Variants in CAMK2B observed in about 807,000 individuals in gnomAD.
CAMK2B encodes the protein calcium/calmodulin dependent protein kinase II beta.
CAMK2B carries 27 observed loss-of-function variants against 93.7 expected under a neutral mutation model. The ratio of observed to expected loss-of-function variants is 0.29; its 90% CI spans 0.21 to 0.40. The LOEUF (loss-of-function observed/expected upper bound fraction) is 0.40, where lower values mean the gene tolerates loss of function less well. Among genes scored for constraint, CAMK2B ranks in the 10% least tolerant of loss-of-function variants. The probability of loss-of-function intolerance (pLI) is 1.00; values close to 1 mark genes in which losing one functional copy is unlikely to be tolerated. For missense variants in CAMK2B, 568 were observed against 895.8 expected, an observed-to-expected ratio of 0.63 and a Z score of 4.67; for synonymous variants, 374 against 358.8, an observed-to-expected ratio of 1.04 and a Z score of -0.48.
rs934398948 is a variant in CAMK2B at position 44,217,252 on chromosome 7, C to T, written c.*2273G>A. On this transcript the variant is annotated 3_prime_UTR_variant, in exon 24 of 24. Coordinates refer to ENST00000395749, the MANE Select transcript of CAMK2B (RefSeq NM_001220.5). ...GGCTCAGAAAGAAAAGACAATGAAACTCAGCAAAAAGAGAGAGGAGGGGAG... is the reference window on the plus strand; with the variant it reads ...GGCTCAGAAAGAAAAGACAATGAAATTCAGCAAAAAGAGAGAGGAGGGGAG... 6.6e-6 allele frequency: 1 copy of T among 152,582 alleles called. No individual in the cohort carries two copies. The highest frequency in any genetic ancestry group is 1.5e-5 in the Non-Finnish European group (1 of 68,036). The allele number at this position is 152,582 out of a possible 1,614,324, so 9.5% of individuals were successfully genotyped here.
chr7:44,277,552 C>T (rs751622932), intron 2 of CAMK2B, among the ~76,000 whole-genome samples: 1 of 152,110 alleles, frequency 6.6e-6, no homozygotes, highest in Admixed American at 6.5e-5. Flanking sequence ...TGCTCGGGCC[C>T]GGACATGAGT....
At chr7:44,226,414 C>A in intron 20 of CAMK2B, 102 bp downstream of exon 20, 1 of 987,252 alleles carries the variant, frequency 1.0e-6, no homozygotes, top group South Asian at 2.7e-5. Flanking sequence ...GTGCCCCGCC[C>A]TCCTCCGCAA....
chr7:44,309,114 G>A (rs1199512771), intron 1 of CAMK2B, among the ~76,000 whole-genome samples: 1 of 152,186 alleles, frequency 6.6e-6, no homozygotes, highest in African/African-American at 2.4e-5. Context: ...AAACCACTGC[G>A]ACTGTGCTGT....
chr7:44,266,895 GAACC>G (rs2096925782), intron 2 of CAMK2B: 2 of 152,248 alleles, frequency 1.3e-5, no homozygotes, highest in East Asian at 3.9e-4. Context: ...GAAACCCCAA[GAACC>G]CACCCCATCC....
At chr7:44,302,521 T>C (rs527588495) in intron 1 of CAMK2B, among the ~76,000 whole-genome samples, 3 of 152,254 alleles carry the variant, frequency 2.0e-5, no homozygotes, top group African/African-American at 7.2e-5. Context: ...TATTACCAAA[T>C]TGAATCCAAC....
intron 1 of CAMK2B, among the ~76,000 whole-genome samples, chr7:44,301,387 C>T (rs1584780373): frequency 6.6e-6 from 1 of 152,218 alleles, no homozygotes; most frequent in Non-Finnish European, 1.5e-5. Flanking sequence ...TTCTCCCACC[C>T]TGTCCTCCCA....
chr7:44,236,369 C>T, intron 13 of CAMK2B, among the ~76,000 whole-genome samples: 1 of 152,218 alleles, frequency 6.6e-6, no homozygotes, highest in Non-Finnish European at 1.5e-5. Flanking sequence ...CCTCACAGAT[C>T]TCTTAACTCT....
chr7:44,280,530 G>A (rs1042952983), intron 2 of CAMK2B, among the ~76,000 whole-genome samples: 5 of 152,222 alleles, frequency 3.3e-5, no homozygotes, highest in Non-Finnish European at 7.3e-5. Flanking sequence ...AAAAGCAGGA[G>A]GGAGACAGCC....
intron 2 of CAMK2B, among the ~76,000 whole-genome samples, chr7:44,263,635 C>T (rs988516009): frequency 5.9e-5 from 9 of 152,106 alleles, no homozygotes; most frequent in African/African-American, 2.2e-4. Flanking sequence ...GATCCCCGGA[C>T]ACCGGAGGCG....
Position 44,241,638 on chromosome 7 carries a change from C to G in CAMK2B, c.903+62G>C, listed in dbSNP as rs2096679938. On this transcript the variant is annotated intron_variant, in intron 11 of 23. Coordinates refer to ENST00000395749, the MANE Select transcript of CAMK2B (RefSeq NM_001220.5). ...GCCCAGACCCCCCAAGGCCCCCCTG[C>G]TCCAGCCCAGAGGGACACAGAGAAG... 65 of 1,367,382 alleles carry G rather than the reference C, an allele frequency of 4.8e-5. No homozygotes were observed. The South Asian group carries it at 7.6e-4, about 16-fold the overall frequency. The allele number at this position is 1,367,382 out of a possible 1,614,324, so 84.7% of individuals were successfully genotyped here. A position where few individuals can be genotyped will look rare whatever the true frequency, so the allele number is the denominator to read the frequency against.
intron 6 of CAMK2B, among the ~76,000 whole-genome samples, chr7:44,245,637 G>A (rs184385431): frequency 1.3e-5 from 2 of 152,312 alleles, no homozygotes; most frequent in East Asian, 3.9e-4. Context: ...AGGCGCCTGA[G>A]TGAGGCTGAC....
chr7:44,283,089 C>T (rs1028764122), intron 2 of CAMK2B, among the ~76,000 whole-genome samples: 3 of 152,250 alleles, frequency 2.0e-5, no homozygotes, highest in Non-Finnish European at 2.9e-5. Flanking sequence ...ACCCTTCCTG[C>T]ACCCACCTCC....
chr7:44,255,442 G>A (rs1435715901), intron 4 of CAMK2B, among the ~76,000 whole-genome samples: 2 of 152,164 alleles, frequency 1.3e-5, no homozygotes, highest in Admixed American at 1.3e-4. Flanking sequence ...CACTTAGCCT[G>A]CTTGAGTCTG....
Position 44,279,762 on chromosome 7 carries a change from T to C in CAMK2B, c.160+4369A>G, listed in dbSNP as rs576289632. ...CACTACCCTAAATCCTTCTGACTCA[T>C]AGAGCACTTTGAGAATATAAATAGG... On this transcript the variant is annotated intron_variant, in intron 2 of 23. Transcript: ENST00000395749. Among the ~76,000 whole-genome samples the C allele has an allele frequency of 2.6e-5, 4 of 152,336 alleles. No individual in the cohort carries two copies. The East Asian group carries it at 5.8e-4, about 22-fold the overall frequency.
In CAMK2B at chr7:44,243,284, C is replaced by T. The variant is rs1204336480; in HGVS notation, c.567G>A (p.Glu189=). Residue 189 remains glutamate (E), a synonymous_variant, in exon 8 of 24, where the codon GAG becomes GAA. Coordinates refer to ENST00000395749, the MANE Select transcript of CAMK2B (RefSeq NM_001220.5). ...GYLSPEVLRK[E]AYGKPVDIWA... is the part of the protein sequence containing the mutation. The stretch of plus-strand genomic sequence containing the variant: ...AGATGTCCACAGGCTTGCCATACGC[C>T]TCTTTGCGAAGGACCTCAGGGGACA... 1.2e-6 allele frequency: 2 copies of T among 1,614,024 alleles called. No individual in the cohort carries two copies. Among genetic ancestry groups the T allele is most frequent in the Non-Finnish European group, 1.7e-6 (2 of 1,179,968 alleles).
At chr7:44,297,809 A>C (rs935972325) in intron 1 of CAMK2B, among the ~76,000 whole-genome samples, 3 of 152,214 alleles carry the variant, frequency 2.0e-5, no homozygotes, top group Non-Finnish European at 4.4e-5. Flanking sequence ...TGGGGGACTC[A>C]CATTTCCTGA....
chr7:44,297,426 A>C (rs1788600453), intron 1 of CAMK2B, among the ~76,000 whole-genome samples: 1 of 152,222 alleles, frequency 6.6e-6, no homozygotes, highest in Non-Finnish European at 1.5e-5. Context: ...GAAGACAGAA[A>C]AAGAAACAAA....
chr7:44,325,425 G>A lies in CAMK2B; in HGVS notation c.-4C>T, dbSNP rs1209170046. 3.5e-6 allele frequency: 4 copies of A among 1,150,142 alleles called. No homozygotes were observed. The highest frequency in any genetic ancestry group is 1.7e-5 in the African/African-American group (1 of 60,348). 71.2% of individuals were successfully genotyped at this position (1,150,142 alleles called of 1,614,324 possible). On this transcript the variant is annotated 5_prime_UTR_variant, in exon 1 of 24. Coordinates refer to ENST00000395749, the MANE Select transcript of CAMK2B (RefSeq NM_001220.5). Reference sequence around the variant, plus strand: ...TGCAGGTCACCGTGGTGGCCATGGCGGCGGCGGACGGGCTCGGCGTGCGCT... The same window carrying A: ...TGCAGGTCACCGTGGTGGCCATGGCAGCGGCGGACGGGCTCGGCGTGCGCT...
At chr7:44,292,159 C>G (rs548497846) in intron 1 of CAMK2B, among the ~76,000 whole-genome samples, 6 of 152,246 alleles carry the variant, frequency 3.9e-5, no homozygotes, top group African/African-American at 1.4e-4. Context: ...TGCCTGCAAT[C>G]CTTGGTGCTA....
Sources: gnomAD v4.1 joint callset for allele counts (sites outside exome capture counted in the v4.1 genomes callset) on GRCh38, gnomAD v4.1.1 for gene constraint, MANE v1.5 for transcripts, NCBI Gene and HGNC (gene_info 2026-07-23, HGNC 2026-07-21) for gene names.